AKAP6: variants seen among roughly 807,000 people sequenced by gnomAD.
The protein encoded by AKAP6 is A-kinase anchor protein 6.
AKAP6 carries 58 observed loss-of-function variants against 188.5 expected under a neutral mutation model. The ratio of observed to expected loss-of-function variants is 0.31; its 90% CI spans 0.25 to 0.38. The LOEUF (loss-of-function observed/expected upper bound fraction) is 0.38, where lower values mean the gene tolerates loss of function less well. AKAP6 is among the 10% of genes least tolerant of loss of function. AKAP6 has a pLI of 1.00. For synonymous variants in AKAP6, 989 were observed against 998.6 expected (o/e 0.99, Z 0.18); for missense variants, 2,710 against 2,740.0 (o/e 0.99, Z 0.24).
intron 3 of AKAP6, among the ~76,000 whole-genome samples, chr14:32,540,355 C>A (rs570274592): frequency 6.6e-6 from 1 of 151,506 alleles, no homozygotes; most frequent in Non-Finnish European, 1.5e-5. Context: ...CATGCCACCA[C>A]GCCCAGCTAA....
intron 1 of AKAP6, among the ~76,000 whole-genome samples, chr14:32,350,742 T>TA (rs1030206490): frequency 5.3e-5 from 8 of 152,036 alleles, no homozygotes; most frequent in African/African-American, 1.9e-4. Context: ...TATAACAAAA[T>TA]AAAAAATGTA....
chr14:32,589,100 A>G (rs1885372184), intron 5 of AKAP6, among the ~76,000 whole-genome samples: 1 of 152,166 alleles, frequency 6.6e-6, no homozygotes, highest in Non-Finnish European at 1.5e-5. Flanking sequence ...CCAGCAAGTT[A>G]AGCTTCACAA....
intron 12 of AKAP6, among the ~76,000 whole-genome samples, chr14:32,820,147 A>G (rs1377131321): frequency 6.6e-6 from 1 of 152,026 alleles, no homozygotes; most frequent in Non-Finnish European, 1.5e-5. Flanking sequence ...GGTAAGCAGC[A>G]AAGTCAGCCC....
Position 32,824,260 on chromosome 14 carries a change from G to A in AKAP6, c.6447G>A (p.Lys2149=), listed in dbSNP as rs747689365. ...CCACTGACTCGGGCTTAGATGACAAGGAAGATATTGAATGCTTTTTTGAGG... is the reference window on the plus strand; with the variant it reads ...CCACTGACTCGGGCTTAGATGACAAAGAAGATATTGAATGCTTTTTTGAGG... ...LDTTDSGLDD[K]EDIECFFEAC... is the part of the protein sequence containing the mutation. Residue 2149 remains lysine (K), a synonymous_variant, in exon 13 of 14, where the codon AAG becomes AAA. Transcript: ENST00000280979. 14 of 1,613,938 alleles carry A rather than the reference G, an allele frequency of 8.7e-6. No homozygotes were observed. The South Asian group carries it at 1.1e-4, about 13-fold the overall frequency.
intron 9 of AKAP6, among the ~76,000 whole-genome samples, chr14:32,701,792 T>C (rs944678582): frequency 1.3e-5 from 2 of 152,158 alleles, no homozygotes; most frequent in African/African-American, 4.8e-5. Flanking sequence ...CTAACTAATT[T>C]CCGATGTGAT....
Position 32,771,137 on chromosome 14 carries a change from T to C in AKAP6, c.3373-2541T>C, listed in dbSNP as rs115409913. On this transcript the variant is annotated intron_variant, in intron 11 of 13. Transcript: ENST00000280979. ...TTACGAATGCATATGTATATTTTAA[T>C]GGCTGTCATGGAAGCCCATTTATGT... is the stretch of plus-strand genomic sequence containing the variant. 4.9e-3 allele frequency among the ~76,000 whole-genome samples: 747 copies of C among 152,330 alleles called. 4 individuals are homozygous for C. The highest frequency in any genetic ancestry group is 0.017 in the African/African-American group (709 of 41,574).
rs1190238137 is a variant in AKAP6, at chr14:32,484,437, C to T, written c.324+50620C>T. ...GGGTAGACTGTCCAACCTGTTCCGG[C>T]GCCGGCTTCCACTATGGCAGATGCA... On this transcript the variant is annotated intron_variant, in intron 2 of 13. Transcript: ENST00000280979. 5 of 165,008 alleles carry T rather than the reference C, an allele frequency of 3.0e-5. 2 individuals are homozygous for T. Among genetic ancestry groups the T allele is most frequent in the Non-Finnish European group, 3.5e-5 (4 of 114,018 alleles). The allele number at this position is 165,008 out of a possible 1,614,324, so 10.2% of individuals were successfully genotyped here. A position where few individuals can be genotyped will look rare whatever the true frequency, so the allele number is the denominator to read the frequency against.
intron 13 of AKAP6, among the ~76,000 whole-genome samples, chr14:32,829,600 T>C (rs987518689): frequency 6.9e-6 from 1 of 145,448 alleles, no homozygotes; most frequent in African/African-American, 2.6e-5. Flanking sequence ...CTTGTTTTCT[T>C]TGAAACCACG....
At chr14:32,533,572 G>A (rs1437234212) in intron 2 of AKAP6, among the ~76,000 whole-genome samples, 1 of 152,178 alleles carries the variant, frequency 6.6e-6, no homozygotes, top group East Asian at 1.9e-4. Context: ...GGGGGGAAGT[G>A]TACAGAATTT....
chr14:32,346,265 G>A (rs1158832830), intron 1 of AKAP6, among the ~76,000 whole-genome samples: 1 of 152,162 alleles, frequency 6.6e-6, no homozygotes, highest in Admixed American at 6.5e-5. Context: ...TGTTTTCAGG[G>A]AGCTAAGACT....
At chr14:32,817,907 C>G (rs1200134218) in intron 12 of AKAP6, among the ~76,000 whole-genome samples, 1 of 151,908 alleles carries the variant, frequency 6.6e-6, no homozygotes, top group African/African-American at 2.4e-5. Context: ...ATATGCAAAT[C>G]TTTTTTTTCC....
chr14:32,741,811 G>A (rs2031687762), intron 11 of AKAP6, among the ~76,000 whole-genome samples: 2 of 130,390 alleles, frequency 1.5e-5, no homozygotes, highest in Admixed American at 7.8e-5. Flanking sequence ...AGAGATATTA[G>A]CCTGTAGGTT....
At chr14:32,718,220 A>G (rs72669821) in intron 9 of AKAP6, 46,015 of 906,304 alleles carry the variant, frequency 0.051, 1,244 homozygotes, top group South Asian at 0.064. Flanking sequence ...CAGAAGTAAT[A>G]TTACTAACTT....
chr14:32,376,083 G>T (rs1393084588), intron 1 of AKAP6: 1 of 152,188 alleles, frequency 6.6e-6, no homozygotes, highest in African/African-American at 2.4e-5. Flanking sequence ...TTTGAGAAAT[G>T]TTGCCAACTC....
intron 12 of AKAP6, among the ~76,000 whole-genome samples, chr14:32,789,586 C>T (rs974712211): frequency 6.6e-6 from 1 of 152,164 alleles, no homozygotes; most frequent in Non-Finnish European, 1.5e-5. Context: ...CAGGAAAAAA[C>T]GAGCCAACTA....
Position 32,461,328 on chromosome 14 carries a change from C to T in AKAP6, c.324+27511C>T, listed in dbSNP as rs111607746. On this transcript the variant is annotated intron_variant, in intron 2 of 13. Coordinates refer to ENST00000280979, the MANE Select transcript of AKAP6 (RefSeq NM_004274.5). The stretch of plus-strand genomic sequence containing the variant: ...CAAAGACACCTCATTCAGGAGAGCT[C>T]GGGCTAACATCAGGCCAGTGCCCCT... 1.6e-3 allele frequency among the ~76,000 whole-genome samples: 242 copies of T among 152,238 alleles called. 1 individual carries two copies. Among genetic ancestry groups the T allele is most frequent in the African/African-American group, 5.4e-3 (224 of 41,556 alleles).
intron 5 of AKAP6, among the ~76,000 whole-genome samples, chr14:32,598,259 G>A (rs1885785184): frequency 6.6e-6 from 1 of 152,172 alleles, no homozygotes; most frequent in African/African-American, 2.4e-5. Flanking sequence ...TTTAGTGAGA[G>A]CAAACATATA....
intron 2 of AKAP6, among the ~76,000 whole-genome samples, chr14:32,470,670 C>T (rs11622624): frequency 0.1 from 15,427 of 152,200 alleles, 886 homozygotes; most frequent in South Asian, 0.21. Context: ...ATGATAGAAT[C>T]GTAGTTTGAA....
intron 7 of AKAP6, among the ~76,000 whole-genome samples, chr14:32,632,165 T>G (rs1477843091): frequency 6.6e-6 from 1 of 152,060 alleles, no homozygotes; most frequent in Non-Finnish European, 1.5e-5. Context: ...ACTATACTTT[T>G]CCTTTCTTGT....
Sources: allele counts gnomAD v4.1 joint callset (sites outside exome capture counted in the v4.1 genomes callset), GRCh38; gene constraint gnomAD v4.1.1; transcripts MANE v1.5; gene names NCBI Gene and HGNC (gene_info 2026-07-23, HGNC 2026-07-21).